Variants in SLC27A1 observed in about 807,000 individuals in gnomAD.
The protein encoded by SLC27A1 is long-chain fatty acid transport protein 1.
A neutral mutation model predicts 62.2 loss-of-function variants in SLC27A1; 61 were observed. The observed-to-expected ratio is 0.98, with a 90% confidence interval of 0.80 to 1.21. The LOEUF is 1.21. SLC27A1 is among the 50% of genes most tolerant of loss of function. The probability of loss-of-function intolerance (pLI) is 0.00; values close to 1 mark genes in which losing one functional copy is unlikely to be tolerated. For missense variants in SLC27A1, 903 were observed against 932.1 expected (o/e 0.97, Z 0.41); for synonymous variants, 435 against 408.6 (o/e 1.06, Z -0.78).
chr19:17,488,793 C>T, intron 4 of SLC27A1, 55 bp from the exon 5 acceptor site: 1 of 1,507,740 alleles, frequency 6.6e-7, no homozygotes, highest in Non-Finnish European at 9.1e-7. Flanking sequence ...CATGCCTGTA[C>T]CCTGGGGGAT....
chr19:17,500,356 A>G lies in SLC27A1; in HGVS notation c.1285A>G (p.Met429Val), dbSNP rs1191287651. 2.2e-5 allele frequency: 36 copies of G among 1,614,042 alleles called. No homozygotes were observed. The highest frequency in any genetic ancestry group is 3.3e-5 in the Admixed American group (2 of 60,000). Residue 429 changes from methionine (M) to valine (V), a missense_variant, in exon 8 of 12, where the codon ATG (methionine) becomes GTG (valine). Met to Val is a conservative substitution (Grantham distance 21). Coordinates refer to ENST00000252595, the MANE Select transcript of SLC27A1 (RefSeq NM_198580.3). ...GCTGGTGAAGGTCAATGAGGACACA[A>G]TGGAGCTGCTGCGGGATGCCCAGGG... ...IRLVKVNEDT[M>V]ELLRDAQGLC... is the part of the protein sequence containing the mutation.
chr19:17,477,884 A>C (rs1303670427), intron 1 of SLC27A1, among the ~76,000 whole-genome samples: 1 of 151,934 alleles, frequency 6.6e-6, no homozygotes, highest in Non-Finnish European at 1.5e-5. Context: ...AATTTAAAAA[A>C]TTATTTTAAC....
upstream of SLC27A1, chr19:17,470,425 A>T: frequency 8.1e-7 from 1 of 1,232,560 alleles, no homozygotes; most frequent in Non-Finnish European, 1.1e-6. Context: ...CGGGGGGCGC[A>T]GAGCCGAGGC....
chr19:17,492,631 A>G (rs1221246685), intron 6 of SLC27A1, among the ~76,000 whole-genome samples: 31 of 150,056 alleles, frequency 2.1e-4, no homozygotes, highest in East Asian at 1.8e-3. Flanking sequence ...AAAAAAAAAA[A>G]AAAAGAAAAA....
chr19:17,504,083 C>T (rs750167369), intron 11 of SLC27A1, among the ~76,000 whole-genome samples: 5 of 152,070 alleles, frequency 3.3e-5, no homozygotes, highest in South Asian at 2.1e-4. Context: ...TTATTGTGCC[C>T]GGCCCCAGTA....
intron 11 of SLC27A1, among the ~76,000 whole-genome samples, chr19:17,503,856 C>T (rs2075443873): frequency 7.1e-6 from 1 of 141,110 alleles, no homozygotes; most frequent in African/African-American, 2.7e-5. Flanking sequence ...CACTTGAATC[C>T]AGGAGGTGGA....
chr19:17,502,915 C>T (rs2075433082), intron 11 of SLC27A1, among the ~76,000 whole-genome samples: 2 of 152,074 alleles, frequency 1.3e-5, no homozygotes, highest in South Asian at 4.2e-4. Flanking sequence ...CTAATAAAGA[C>T]ATATCCGAGA....
Position 17,472,673 on chromosome 19 carries a change from C to T in SLC27A1, c.167+1966C>T, listed in dbSNP as rs572018133. ...TCCCAAGTAGCTGGGACTACAGGCA[C>T]GTGCCACCATGCCCAGCTAATTTTT... On this transcript the variant is annotated intron_variant, in intron 1 of 11. Coordinates refer to ENST00000252595, the MANE Select transcript of SLC27A1 (RefSeq NM_198580.3). 3.1e-4 allele frequency among the ~76,000 whole-genome samples: 47 copies of T among 152,054 alleles called. No homozygotes were observed. In the South Asian group the frequency reaches 7.1e-3, roughly 23 times the overall value.
In SLC27A1 at chr19:17,493,130, A is replaced by G. The variant is rs145311681; in HGVS notation, c.996+4013A>G. ...AGAGTGAGACTCCATCTCAAAAAAAAAAAAAGAAAAATAGAGGACAGGGCC... is the reference window on the plus strand; with the variant it reads ...AGAGTGAGACTCCATCTCAAAAAAAGAAAAAGAAAAATAGAGGACAGGGCC... On this transcript the variant is annotated intron_variant, in intron 6 of 11. Transcript: ENST00000252595. Among the ~76,000 whole-genome samples the G allele has an allele frequency of 9.9e-3, 1,484 of 149,438 alleles. 28 individuals are homozygous for G. The highest frequency in any genetic ancestry group is 0.035 in the African/African-American group (1,427 of 40,618).
At chr19:17,487,009 G>A (rs2075239567) in intron 2 of SLC27A1, 52 bp downstream of exon 2, 1 of 1,537,964 alleles carries the variant, frequency 6.5e-7, no homozygotes, top group Admixed American at 1.9e-5. Context: ...CTGGCCCCTG[G>A]GCGGGCGGGG....
At chr19:17,484,472 G>A (rs1027174768) in intron 1 of SLC27A1, among the ~76,000 whole-genome samples, 1 of 152,006 alleles carries the variant, frequency 6.6e-6, no homozygotes, top group African/African-American at 2.4e-5. Flanking sequence ...TGCACCTGTA[G>A]TCTCAGCTAC....
chr19:17,476,317 C>T (rs978368211), intron 1 of SLC27A1, among the ~76,000 whole-genome samples: 4 of 152,074 alleles, frequency 2.6e-5, no homozygotes, highest in African/African-American at 9.7e-5. Flanking sequence ...GGGCTGATCA[C>T]CTGAGGTCAG....
At position 17,488,864 on chromosome 19, in the gene SLC27A1, G is replaced by GC; in HGVS notation, c.813dup (p.Phe272LeufsTer12). ...CCCCTGCAGGTACTACCGCATGGCA[G>GC]CCTTCGGCCACCACGCCTACCGCAT... On this transcript the variant is annotated frameshift_variant, in exon 5 of 12. Coordinates refer to ENST00000252595, the MANE Select transcript of SLC27A1 (RefSeq NM_198580.3). LOFTEE classifies it high-confidence loss of function. The GC allele has an allele frequency of 6.2e-7, 1 of 1,613,824 alleles. No individual in the cohort carries two copies. Among genetic ancestry groups the GC allele is most frequent in the African/African-American group, 1.3e-5 (1 of 75,022 alleles).
In SLC27A1 at chr19:17,497,474, G is replaced by C. The variant is rs998007439; in HGVS notation, c.1206+10G>C. On this transcript the variant is annotated intron_variant, in intron 7 of 11. Transcript: ENST00000252595. ...CAACATGGACGGCAAGGTGCACACCGGCAGGGCCCCGGGGCAGGTCTCGGA... is the reference window on the plus strand; with the variant it reads ...CAACATGGACGGCAAGGTGCACACCCGCAGGGCCCCGGGGCAGGTCTCGGA... 3.1e-6 allele frequency: 5 copies of C among 1,600,330 alleles called. No homozygotes were observed. Among genetic ancestry groups the C allele is most frequent in the Non-Finnish European group, 4.3e-6 (5 of 1,175,016 alleles).
At chr19:17,472,842 C>T (rs2075089735) in intron 1 of SLC27A1, among the ~76,000 whole-genome samples, 1 of 151,762 alleles carries the variant, frequency 6.6e-6, no homozygotes, top group Non-Finnish European at 1.5e-5. Context: ...TTTTTTGAGA[C>T]AGGGTGTCTT....
At position 17,486,429 on chromosome 19, in the gene SLC27A1, C is replaced by T. The variant is rs2075229769; in HGVS notation, c.168-134C>T. 9.3e-7 allele frequency: 1 copy of T among 1,076,280 alleles called. No individual in the cohort carries two copies. Among genetic ancestry groups the T allele is most frequent in the East Asian group, 2.7e-5 (1 of 37,492 alleles). 66.7% of individuals were successfully genotyped at this position (1,076,280 alleles called of 1,614,324 possible). ...GCCCTTGGTCCACTGAGAGATCCAGCCACCAAAAGTTTCACCATAGACCTC... is the reference window on the plus strand; with the variant it reads ...GCCCTTGGTCCACTGAGAGATCCAGTCACCAAAAGTTTCACCATAGACCTC... On this transcript the variant is annotated intron_variant, in intron 1 of 11. Transcript: ENST00000252595. The surrounding 1 kb of genome is among the most constrained non-coding windows in gnomAD (Gnocchi z 6.6).
At chr19:17,479,014 T>C (rs1468983869) in intron 1 of SLC27A1, among the ~76,000 whole-genome samples, 1 of 151,918 alleles carries the variant, frequency 6.6e-6, no homozygotes, top group East Asian at 1.9e-4. Context: ...GGAGGATCAC[T>C]TGAGCCCTGG....
At chr19:17,489,351 G>A (rs1018124053) in intron 6 of SLC27A1, among the ~76,000 whole-genome samples, 1 of 152,170 alleles carries the variant, frequency 6.6e-6, no homozygotes, top group African/African-American at 2.4e-5. Context: ...CTGCTCCCCC[G>A]TCTCTAGGGG....
rs551256536 is a variant in SLC27A1, at chr19:17,484,021, C to T, written c.168-2542C>T. The stretch of plus-strand genomic sequence containing the variant: ...ATTCAGTCATATACATGGAAGGGGT[C>T]TCTCTTCCCAGAGGACTGTGAACCC... On this transcript the variant is annotated intron_variant, in intron 1 of 11. Transcript: ENST00000252595. 65 of 152,486 alleles carry T rather than the reference C, an allele frequency of 4.3e-4. 1 individual carries two copies. Among genetic ancestry groups the T allele is most frequent in the African/African-American group, 1.5e-3 (64 of 41,580 alleles). 9.4% of individuals were successfully genotyped at this position (152,486 alleles called of 1,614,324 possible).
Sources: gnomAD v4.1 joint callset for allele counts (sites outside exome capture counted in the v4.1 genomes callset) on GRCh38, gnomAD v4.1.1 for gene constraint, Gnocchi (gnomAD v3.1) non-coding constraint, MANE v1.5 for transcripts, NCBI Gene and HGNC (gene_info 2026-07-23, HGNC 2026-07-21) for gene names.